The following MGAT4C variants were observed in gnomAD, a reference collection of about 807,000 sequenced individuals.
MGAT4C encodes alpha-1,3-mannosyl-glycoprotein 4-beta-N-acetylglucosaminyltransferase C.
MGAT4C carries 19 observed loss-of-function variants against 40.1 expected under a neutral mutation model. That is an observed-to-expected ratio of 0.47 (90% CI 0.33 to 0.70). MGAT4C has a LOEUF of 0.70. MGAT4C is among the 30% of genes least tolerant of loss of function. The pLI is 0.02. For missense variants in MGAT4C, 491 were observed against 563.2 expected (o/e 0.87, Z 1.30); for synonymous variants, 181 against 187.1 (o/e 0.97, Z 0.27).
intron 2 of MGAT4C, among the ~76,000 whole-genome samples, chr12:86,475,635 T>C (rs1369246915): frequency 1.3e-5 from 2 of 152,004 alleles, no homozygotes; most frequent in East Asian, 3.9e-4. Flanking sequence ...CTTGATATAA[T>C]TAACATTTAA....
intron 1 of MGAT4C, among the ~76,000 whole-genome samples, chr12:86,052,882 A>G (rs1012854132): frequency 6.6e-6 from 1 of 152,014 alleles, no homozygotes; most frequent in Non-Finnish European, 1.5e-5. Flanking sequence ...GAAGAAAAAT[A>G]TATCTTTCAT....
intron 2 of MGAT4C, among the ~76,000 whole-genome samples, chr12:86,673,677 A>T (rs558083021): frequency 6.6e-6 from 1 of 152,316 alleles, no homozygotes; most frequent in Non-Finnish European, 1.5e-5. Context: ...TATATTCAAT[A>T]TGTTCAATAA....
chr12:86,618,030 A>G (rs189449404), intron 2 of MGAT4C, among the ~76,000 whole-genome samples: 2 of 152,330 alleles, frequency 1.3e-5, no homozygotes, highest in East Asian at 3.9e-4. Context: ...ATCTGAATGG[A>G]CATTTCTCAA....
At chr12:86,736,928 G>A (rs980533872) in intron 1 of MGAT4C, among the ~76,000 whole-genome samples, 2 of 149,382 alleles carry the variant, frequency 1.3e-5, no homozygotes, top group African/African-American at 4.9e-5. Flanking sequence ...CATTGCTCTA[G>A]TAATTTTCCC....
intron 3 of MGAT4C, among the ~76,000 whole-genome samples, chr12:86,383,546 T>A (rs538900060): frequency 3.6e-3 from 208 of 57,932 alleles, no homozygotes; most frequent in Non-Finnish European, 5.4e-3. Context: ...CGACACTTCG[T>A]CTCAAAAAAA....
intron 4 of MGAT4C, among the ~76,000 whole-genome samples, chr12:86,333,488 A>G (rs1304614581): frequency 1.3e-5 from 2 of 152,152 alleles, no homozygotes; most frequent in East Asian, 3.8e-4. Flanking sequence ...CAAGAACAAA[A>G]CAGCAGGCTA....
intron 1 of MGAT4C, among the ~76,000 whole-genome samples, chr12:86,234,627 T>C (rs1163475582): frequency 6.6e-6 from 1 of 152,180 alleles, no homozygotes; most frequent in East Asian, 1.9e-4. Flanking sequence ...CATACATCAG[T>C]GCAAAGCTCT....
chr12:86,406,483 G>T (rs1956477335), intron 3 of MGAT4C, among the ~76,000 whole-genome samples: 1 of 151,986 alleles, frequency 6.6e-6, no homozygotes, highest in Non-Finnish European at 1.5e-5. Flanking sequence ...GTAAGCACAT[G>T]AAAAGTTGTT....
intron 1 of MGAT4C, among the ~76,000 whole-genome samples, chr12:86,059,335 C>A (rs1412130033): frequency 2.0e-5 from 3 of 152,212 alleles, no homozygotes; most frequent in African/African-American, 7.2e-5. Context: ...AGCCACCGCA[C>A]CCAGCCTTAA....
At chr12:86,078,203 C>A (rs1244384717) in intron 1 of MGAT4C, among the ~76,000 whole-genome samples, 1 of 152,136 alleles carries the variant, frequency 6.6e-6, no homozygotes, top group Non-Finnish European at 1.5e-5. Context: ...TTCTAGAGAA[C>A]TTTGCCCCAG....
intron 4 of MGAT4C, among the ~76,000 whole-genome samples, chr12:86,326,394 G>A (rs1954529415): frequency 6.6e-6 from 1 of 151,168 alleles, no homozygotes; most frequent in East Asian, 1.9e-4. Context: ...ATTTCACAAT[G>A]TATACCTATA....
chr12:86,134,806 G>A (rs1449054121), intron 1 of MGAT4C, among the ~76,000 whole-genome samples: 2 of 152,138 alleles, frequency 1.3e-5, no homozygotes, highest in African/African-American at 4.8e-5. Context: ...CTAAGGCTGG[G>A]ATGATGAACA....
At chr12:86,063,817 A>T (rs983767266) in intron 1 of MGAT4C, among the ~76,000 whole-genome samples, 7 of 152,236 alleles carry the variant, frequency 4.6e-5, no homozygotes, top group African/African-American at 1.4e-4. Flanking sequence ...GCATTACATA[A>T]TGGTAAAGTT....
At chr12:86,701,609 G>A (rs896345327) in intron 2 of MGAT4C, among the ~76,000 whole-genome samples, 3 of 152,070 alleles carry the variant, frequency 2.0e-5, no homozygotes, top group African/African-American at 7.2e-5. Flanking sequence ...AGGCCAATTA[G>A]CAACCCTATA....
At chr12:86,173,221 T>G (rs1887035238) in intron 1 of MGAT4C, among the ~76,000 whole-genome samples, 1 of 152,142 alleles carries the variant, frequency 6.6e-6, no homozygotes, top group African/African-American at 2.4e-5. Context: ...TTTTCATTAC[T>G]AAGAACACTT....
At chr12:86,096,066 T>G (rs758776460) in intron 1 of MGAT4C, among the ~76,000 whole-genome samples, 1 of 151,852 alleles carries the variant, frequency 6.6e-6, no homozygotes, top group Non-Finnish European at 1.5e-5. Context: ...TGGCTTATAT[T>G]TTATATCCCT....
At chr12:86,775,074 A>T (rs1004436897) in intron 1 of MGAT4C, among the ~76,000 whole-genome samples, 9 of 152,206 alleles carry the variant, frequency 5.9e-5, no homozygotes, top group African/African-American at 2.2e-4. Context: ...GGCCTTTAGT[A>T]AATGGATTTT....
intron 1 of MGAT4C, among the ~76,000 whole-genome samples, chr12:86,170,265 G>GGT (rs1326163633): frequency 6.6e-6 from 1 of 152,112 alleles, no homozygotes; most frequent in Non-Finnish European, 1.5e-5. Flanking sequence ...GAAAACAGCT[G>GGT]GACTTAGGAA....
chr12:86,588,877 A>G (rs1357273624), intron 2 of MGAT4C, among the ~76,000 whole-genome samples: 1 of 151,902 alleles, frequency 6.6e-6, no homozygotes, highest in Non-Finnish European at 1.5e-5. Context: ...ACAACATACC[A>G]GAATCTCTGG....
Sources: gnomAD v4.1 joint callset for allele counts (sites outside exome capture counted in the v4.1 genomes callset) on GRCh38, gnomAD v4.1.1 for gene constraint, MANE v1.5 for transcripts, NCBI Gene and HGNC (gene_info 2026-07-23, HGNC 2026-07-21) for gene names.